Variants in PDE4DIP observed in about 807,000 individuals in gnomAD.
PDE4DIP encodes myomegalin.
In PDE4DIP, 59 loss-of-function variants were observed where a neutral mutation model predicts 221.4. The ratio of observed to expected loss-of-function variants is 0.27; its 90% CI spans 0.22 to 0.33. PDE4DIP has a LOEUF of 0.33. Ranked by LOEUF, PDE4DIP falls within the 10% of genes least tolerant of loss-of-function variation. The pLI, the probability that PDE4DIP is intolerant of heterozygous loss-of-function variation, is 1.00. For synonymous variants in PDE4DIP, 404 were observed against 815.9 expected, an observed-to-expected ratio of 0.50 and a Z score of 8.60; for missense variants, 1,036 against 2,154.2, an observed-to-expected ratio of 0.48 and a Z score of 10.28.
chr1:149,008,621 G>GAACA, intron 29 of PDE4DIP, 126 bp downstream of exon 32: 1 of 452,102 alleles, frequency 2.2e-6, no homozygotes, highest in Non-Finnish European at 3.8e-6. Context: ...GGCATTCATT[G>GAACA]AACACCTCAC....
intron 5 of PDE4DIP, among the ~76,000 whole-genome samples, chr1:148,939,456 G>A (rs2762736): frequency 1.3e-5 from 2 of 150,328 alleles, no homozygotes; most frequent in African/African-American, 4.9e-5. Context: ...TCACTTGGAG[G>A]TGGCCAATTT....
upstream of PDE4DIP, among the ~76,000 whole-genome samples, chr1:148,887,938 T>G (rs1562166): frequency 0.19 from 11,355 of 59,186 alleles, 859 homozygotes; most frequent in Non-Finnish European, 0.24. Flanking sequence ...GGAGAATGCT[T>G]CACTCTAATT....
intron 31 of PDE4DIP, among the ~76,000 whole-genome samples, 197 bp downstream of exon 34, chr1:149,010,792 T>A (rs1219677808): frequency 2.0e-5 from 3 of 151,040 alleles, no homozygotes; most frequent in African/African-American, 7.3e-5. Flanking sequence ...CCACATCAGG[T>A]TTTGATCTGC....
At chr1:148,969,752 G>A (rs1574561999) in intron 14 of PDE4DIP, among the ~76,000 whole-genome samples, 1 of 145,924 alleles carries the variant, frequency 6.9e-6, no homozygotes, top group African/African-American at 2.6e-5. Context: ...CTGTCACCCA[G>A]CTGGAGTGCG....
At chr1:149,009,092 G>GT (rs1205221246) in intron 29 of PDE4DIP, among the ~76,000 whole-genome samples, 28 of 145,012 alleles carry the variant, frequency 1.9e-4, no homozygotes, top group South Asian at 1.9e-3. Context: ...GGACACAGTG[G>GT]TTTTTTTTGT....
At chr1:148,949,338 A>G (rs1355430727) in intron 5 of PDE4DIP, among the ~76,000 whole-genome samples, 2 of 150,062 alleles carry the variant, frequency 1.3e-5, no homozygotes, top group Admixed American at 6.6e-5. Context: ...TTTTGTTTAT[A>G]TAAGTTATCT....
At chr1:149,023,152 C>G (rs1553621771) in intron 37 of PDE4DIP, among the ~76,000 whole-genome samples, 3 of 151,998 alleles carry the variant, frequency 2.0e-5, no homozygotes, top group African/African-American at 7.2e-5. Flanking sequence ...CACTAAAGCT[C>G]CATAATCTCT....
chr1:148,968,879 G>A (rs782470871), exon 14 of PDE4DIP: 3 of 1,613,636 alleles, frequency 1.9e-6, no homozygotes, highest in Non-Finnish European at 2.5e-6. Flanking sequence ...CCAGGGCAGA[G>A]TGAGATAGCA....
intron 38 of PDE4DIP, among the ~76,000 whole-genome samples, chr1:149,025,391 C>A (rs1553626307): frequency 1.3e-5 from 2 of 151,864 alleles, no homozygotes; most frequent in African/African-American, 4.8e-5. Context: ...GGAAACAGGG[C>A]TCTGGGGAAG....
intron 31 of PDE4DIP, among the ~76,000 whole-genome samples, chr1:149,011,077 T>G (rs1454273471): frequency 6.6e-6 from 1 of 152,008 alleles, no homozygotes; most frequent in Non-Finnish European, 1.5e-5. Context: ...CATTAATGGA[T>G]GTATGAATGG....
At chr1:148,966,261 C>T (rs2058120008) in intron 10 of PDE4DIP, among the ~76,000 whole-genome samples, 1 of 121,624 alleles carries the variant, frequency 8.2e-6, no homozygotes, top group African/African-American at 3.3e-5. Flanking sequence ...ATATTACCTC[C>T]TCTGTGAGGT....
At chr1:148,922,858 T>C (rs2045768496) in intron 1 of PDE4DIP, among the ~76,000 whole-genome samples, 1 of 150,962 alleles carries the variant, frequency 6.6e-6, no homozygotes, top group Admixed American at 6.6e-5. Flanking sequence ...AGTGCTGGGA[T>C]TACAGGCATG....
chr1:148,939,807 C>T (rs369734770), intron 5 of PDE4DIP: 11 of 149,284 alleles, frequency 7.4e-5, no homozygotes, highest in Non-Finnish European at 1.2e-4. Flanking sequence ...GCCAAAAGGC[C>T]GAGAAGCGAT....
At chr1:149,012,876 G>C in intron 32 of PDE4DIP, 100 bp downstream of exon 35, 1 of 623,234 alleles carries the variant, frequency 1.6e-6, no homozygotes, top group Non-Finnish European at 2.7e-6. Flanking sequence ...AACAACACGG[G>C]TACACGTTAC....
At chr1:148,813,917 A>G (rs1378102031) in intron 1 of PDE4DIP, among the ~76,000 whole-genome samples, 1 of 20,772 alleles carries the variant, frequency 4.8e-5, no homozygotes, top group Non-Finnish European at 7.6e-5. Context: ...CTGGGTTTCT[A>G]TTGTGTTTGA....
At chr1:148,953,903 C>A in intron 5 of PDE4DIP, 2 of 1,611,066 alleles carry the variant, frequency 1.2e-6, no homozygotes, top group Non-Finnish European at 1.7e-6. Flanking sequence ...GCTCCGGGTC[C>A]AGGTATACAA....
At chr1:149,011,003 G>GTGCT (rs2068444492) in intron 31 of PDE4DIP, among the ~76,000 whole-genome samples, 1 of 147,840 alleles carries the variant, frequency 6.8e-6, no homozygotes, top group South Asian at 2.2e-4. Flanking sequence ...GCAAGAGGTA[G>GTGCT]TGCTACTTGT....
At chr1:148,823,496 G>A (rs1480242040) in intron 1 of PDE4DIP, among the ~76,000 whole-genome samples, 5 of 150,100 alleles carry the variant, frequency 3.3e-5, no homozygotes, top group Non-Finnish European at 7.4e-5. Context: ...CAGAATGGGG[G>A]GATTTTGTCC....
At chr1:148,934,062 G>A (rs1215872764) in intron 4 of PDE4DIP, among the ~76,000 whole-genome samples, 21 of 147,106 alleles carry the variant, frequency 1.4e-4, no homozygotes, top group Middle Eastern at 3.5e-3. Flanking sequence ...AGAAGCATAA[G>A]AAGCTATGGC....
Sources: allele counts gnomAD v4.1 joint callset (sites outside exome capture counted in the v4.1 genomes callset), GRCh38; gene constraint gnomAD v4.1.1; transcripts MANE v1.5; gene names NCBI Gene and HGNC (gene_info 2026-07-23, HGNC 2026-07-21).